Variants in CDC14B observed in about 807,000 individuals in gnomAD.
CDC14B encodes the protein cell division cycle 14B.
CDC14B carries 22 observed loss-of-function variants against 64.2 expected under a neutral mutation model. The observed-to-expected ratio is 0.34, with a 90% CI of 0.24 to 0.49. The LOEUF is 0.49. Among genes scored for constraint, CDC14B ranks in the 20% least tolerant of loss-of-function variants. CDC14B has a pLI of 0.99. For missense variants in CDC14B, 498 were observed against 629.9 expected (o/e 0.79, Z 2.24); for synonymous variants, 191 against 215.8 (o/e 0.89, Z 1.01).
At chr9:96,530,062 G>A (rs1051113696) in intron 9 of CDC14B, among the ~76,000 whole-genome samples, 4 of 152,066 alleles carry the variant, frequency 2.6e-5, no homozygotes, top group African/African-American at 9.7e-5. Flanking sequence ...CCTCAAAAAT[G>A]TTTTATACAA....
At chr9:96,606,530 TGTGTG>T (rs1846946108) in intron 1 of CDC14B, among the ~76,000 whole-genome samples, 1 of 54,210 alleles carries the variant, frequency 1.8e-5, no homozygotes, top group African/African-American at 1.5e-4. Context: ...TAAAAGTTTG[TGTGTG>T]TGTGTGTGTG....
At chr9:96,589,960 C>CA (rs112169156) in intron 1 of CDC14B, among the ~76,000 whole-genome samples, 1,209 of 98,134 alleles carry the variant, frequency 0.012, 10 homozygotes, top group African/African-American at 0.035. Flanking sequence ...GACTCCATCT[C>CA]AAAAAAAAAA....
chr9:96,507,053 G>C (rs796867797), intron 13 of CDC14B, among the ~76,000 whole-genome samples: 15 of 152,270 alleles, frequency 9.9e-5, no homozygotes, highest in African/African-American at 3.6e-4. Flanking sequence ...CAGCACTTTG[G>C]GGGGCTGAGG....
At chr9:96,619,117 G>A in intron 1 of CDC14B, 102 bp downstream of exon 1, 1 of 974,116 alleles carries the variant, frequency 1.0e-6, no homozygotes, top group Non-Finnish European at 1.3e-6. Context: ...AGGCATTTCG[G>A]CCCGGCCCCG....
chr9:96,584,644 CAG>C (rs1487843323), intron 1 of CDC14B, among the ~76,000 whole-genome samples: 1 of 152,060 alleles, frequency 6.6e-6, no homozygotes, highest in Non-Finnish European at 1.5e-5. Context: ...ATTAATAAAA[CAG>C]ACTTTATTTT....
At chr9:96,495,837 G>T (rs910253025), downstream of CDC14B, among the ~76,000 whole-genome samples, 1 of 152,202 alleles carries the variant, frequency 6.6e-6, no homozygotes, top group Admixed American at 6.5e-5. Flanking sequence ...GCTGATTGAT[G>T]AATAGACCCT....
chr9:96,576,448 T>C (rs1844806834), intron 1 of CDC14B, among the ~76,000 whole-genome samples: 1 of 151,666 alleles, frequency 6.6e-6, no homozygotes, highest in Non-Finnish European at 1.5e-5. Context: ...CTGACCAACA[T>C]CACAAAACCC....
intron 1 of CDC14B, among the ~76,000 whole-genome samples, chr9:96,579,920 A>G (rs1845043918): frequency 6.6e-6 from 1 of 152,082 alleles, no homozygotes; most frequent in South Asian, 2.1e-4. Flanking sequence ...TAACTCTAAA[A>G]GTTTTTTTTT....
chr9:96,571,195 G>C (rs766353859), intron 1 of CDC14B, among the ~76,000 whole-genome samples: 6 of 122,760 alleles, frequency 4.9e-5, no homozygotes, highest in Non-Finnish European at 8.2e-5. Context: ...TTTTTTTTTT[G>C]AGACGGAGTC....
At chr9:96,588,266 G>A (rs772040232) in intron 1 of CDC14B, among the ~76,000 whole-genome samples, 15 of 152,062 alleles carry the variant, frequency 9.9e-5, no homozygotes, top group African/African-American at 9.7e-5. Flanking sequence ...CTTATAAGCC[G>A]GCTTTTACAA....
intron 1 of CDC14B, among the ~76,000 whole-genome samples, chr9:96,582,916 G>A (rs761069070): frequency 6.6e-6 from 1 of 152,074 alleles, no homozygotes; most frequent in Non-Finnish European, 1.5e-5. Context: ...TACTTTAACT[G>A]CAGGGACAAG....
Position 96,539,071 on chromosome 9 carries a change from G to A in CDC14B, c.627+7C>T. On this transcript the variant is annotated splice_region_variant and intron_variant, in intron 7 of 13. Coordinates refer to ENST00000375241, the MANE Select transcript of CDC14B (RefSeq NM_033331.4). Reference sequence around the variant, plus strand: ...AAGAGTTGAAAACATGATCCTTGAAGACTTACTTCATAGTGTTCATATTCA... The same window carrying A: ...AAGAGTTGAAAACATGATCCTTGAAAACTTACTTCATAGTGTTCATATTCA... The A allele has an allele frequency of 2.5e-6, 4 of 1,584,210 alleles. No individual in the cohort carries two copies. Among genetic ancestry groups the A allele is most frequent in the Non-Finnish European group, 3.5e-6 (4 of 1,153,380 alleles).
rs1835292419 is a variant in CDC14B, at chr9:96,514,159, A to G, written c.1344-4370T>C. Among the ~76,000 whole-genome samples the G allele has an allele frequency of 2.0e-5, 3 of 152,342 alleles. No homozygotes were observed. The South Asian group carries it at 6.2e-4, about 32-fold the overall frequency. The stretch of plus-strand genomic sequence containing the variant: ...CATTACCAATAACAACAGAAGGTAT[A>G]GTTTACATGGAATACTGAAAAGAAG... On this transcript the variant is annotated intron_variant, in intron 12 of 13. Transcript: ENST00000375241.
chr9:96,514,795 G>C lies in CDC14B; in HGVS notation c.1344-5006C>G, dbSNP rs1298940129. On this transcript the variant is annotated intron_variant, in intron 12 of 13. Transcript: ENST00000375241. ...TGACACGGACACACCCGCCTTCTGG[G>C]GGTCTTCAACATGCTGTTCCACAAG... 3 of 985,362 alleles carry C rather than the reference G, an allele frequency of 3.0e-6. No individual in the cohort carries two copies. In the African/African-American group the frequency reaches 5.2e-5, roughly 17 times the overall value. 61.0% of individuals were successfully genotyped at this position (985,362 alleles called of 1,614,324 possible). A position where few individuals can be genotyped will look rare whatever the true frequency, so the allele number is the denominator to read the frequency against.
chr9:96,566,748 C>A, intron 1 of CDC14B: 1 of 1,597,662 alleles, frequency 6.3e-7, no homozygotes, highest in Non-Finnish European at 8.5e-7. Flanking sequence ...CCAGGGGAAG[C>A]CCCCGCCCTC....
chr9:96,538,234 C>G (rs1283227872), intron 7 of CDC14B, among the ~76,000 whole-genome samples: 1 of 152,130 alleles, frequency 6.6e-6, no homozygotes, highest in Non-Finnish European at 1.5e-5. Context: ...TACATTTAAA[C>G]TAAACAGTAT....
At chr9:96,533,834 G>C in intron 9 of CDC14B, 93 bp downstream of exon 9, 1 of 729,218 alleles carries the variant, frequency 1.4e-6, no homozygotes, top group East Asian at 3.0e-5. Flanking sequence ...GCAGTTTCAT[G>C]TTCTGACACA....
rs1019794488 is a variant in CDC14B, at chr9:96,561,644, C to G, written c.420+1049G>C. 4.7e-5 allele frequency among the ~76,000 whole-genome samples: 7 copies of G among 149,938 alleles called. No homozygotes were observed. In the East Asian group the frequency reaches 1.2e-3, roughly 25 times the overall value. On this transcript the variant is annotated intron_variant, in intron 4 of 13. Coordinates refer to ENST00000375241, the MANE Select transcript of CDC14B (RefSeq NM_033331.4). ...CAGGCGCCCGCCACCACGCCCGGCT[C>G]ATTTTTTGTATTTTTTTTTTTTTTA...
chr9:96,534,736 T>TA (rs1839034496), intron 7 of CDC14B, among the ~76,000 whole-genome samples, 194 bp from the exon 8 acceptor site: 3 of 152,234 alleles, frequency 2.0e-5, no homozygotes. Context: ...ATCCTGTTCC[T>TA]AATCATCTTC....
Sources: allele counts gnomAD v4.1 joint callset (sites outside exome capture counted in the v4.1 genomes callset), GRCh38; gene constraint gnomAD v4.1.1; transcripts MANE v1.5; gene names NCBI Gene and HGNC (gene_info 2026-07-23, HGNC 2026-07-21).